Variants in UBN2 observed in about 807,000 individuals in gnomAD.
UBN2 encodes ubinuclein 2, also known as ubinuclein-2.
UBN2 carries 35 observed loss-of-function variants against 120.2 expected under a neutral mutation model. The ratio of observed to expected loss-of-function variants is 0.29; its 90% CI spans 0.22 to 0.39. UBN2 has a LOEUF of 0.39. Ranked by LOEUF, UBN2 falls within the 10% of genes least tolerant of loss-of-function variation. The probability of loss-of-function intolerance (pLI) is 1.00; values close to 1 mark genes in which losing one functional copy is unlikely to be tolerated. For missense variants in UBN2, 1,693 were observed against 1,663.2 expected, an observed-to-expected ratio of 1.02 and a Z score of -0.31; for synonymous variants, 661 against 648.7, an observed-to-expected ratio of 1.02 and a Z score of -0.29.
chr7:139,235,578 T>C (rs572453663), intron 1 of UBN2, among the ~76,000 whole-genome samples: 21 of 152,096 alleles, frequency 1.4e-4, no homozygotes, highest in Non-Finnish European at 2.6e-4. Context: ...AGCTAGTTTT[T>C]GTATTTTTGG....
At position 139,284,540 on chromosome 7, in the gene UBN2, C is replaced by T; in HGVS notation, c.3635C>T (p.Ala1212Val). 1 of 1,613,036 alleles carries T rather than the reference C, an allele frequency of 6.2e-7. No homozygotes were observed. The highest frequency in any genetic ancestry group is 8.5e-7 in the Non-Finnish European group (1 of 1,179,682). ...TCTACTCCACATAGACCATCCACTG[C>T]CTCAGGGTCTTCAGTGGTAACAGCC... Reference protein sequence around the residue: ...PLSTPHRPSTASGSSVVTASV... With the variant: ...PLSTPHRPSTVSGSSVVTASV... The change falls in exon 15 of 18, where the codon GCC becomes GTC. Residue 1212 changes from alanine to valine, a missense_variant. This residue lies in a region of UBN2 where 837 missense variants were observed against 817.6 expected (regional missense o/e 1.02). Coordinates refer to ENST00000473989, the MANE Select transcript of UBN2 (RefSeq NM_173569.4).
At position 139,301,092 on chromosome 7, in the gene UBN2, C is replaced by G. The variant is rs988872214; in HGVS notation, c.*3256C>G. On this transcript the variant is annotated 3_prime_UTR_variant, in exon 18 of 18. Transcript: ENST00000473989. ...ATAGTGCATTCTTTTGTGCCCACCCCCCCTCTGATGGATGTTGTTAGCCCA... is the reference window on the plus strand; with the variant it reads ...ATAGTGCATTCTTTTGTGCCCACCCGCCCTCTGATGGATGTTGTTAGCCCA... 3.3e-5 allele frequency: 5 copies of G among 152,094 alleles called. No individual in the cohort carries two copies. In the South Asian group the frequency reaches 8.3e-4, roughly 25 times the overall value. The allele number at this position is 152,094 out of a possible 1,614,324, so 9.4% of individuals were successfully genotyped here.
Position 139,284,218 on chromosome 7 carries a change from A to G in UBN2, c.3313A>G (p.Ser1105Gly), listed in dbSNP as rs1285516647. The change falls in exon 15 of 18, where the codon AGC becomes GGC. Residue 1105 changes from serine (S) to glycine (G), a missense_variant. This residue lies in a region of UBN2 where 837 missense variants were observed against 817.6 expected (regional missense o/e 1.02). Coordinates refer to ENST00000473989, the MANE Select transcript of UBN2 (RefSeq NM_173569.4). Reference sequence around the variant, plus strand: ...ACTAGTTGCCCAGGGTAGCCACTCCAGCACTAACAGCCCAGTCCATAAACA... The same window carrying G: ...ACTAGTTGCCCAGGGTAGCCACTCCGGCACTAACAGCCCAGTCCATAAACA... ...NALVAQGSHS[S>G]TNSPVHKQPS... 2 of 1,614,172 alleles carry G rather than the reference A, an allele frequency of 1.2e-6. No individual in the cohort carries two copies. Among genetic ancestry groups the G allele is most frequent in the South Asian group, 1.1e-5 (1 of 91,068 alleles).
At chr7:139,293,624 T>C in intron 16 of UBN2, 161 bp downstream of exon 16, 1 of 673,184 alleles carries the variant, frequency 1.5e-6, no homozygotes, top group Non-Finnish European at 2.5e-6. Context: ...AGTCAAATTA[T>C]TGGACACTGG....
chr7:139,269,370 ATTG>A (rs1217969293), intron 7 of UBN2, 21 bp from the exon 8 acceptor site: 8 of 1,612,292 alleles, frequency 5.0e-6, no homozygotes, highest in East Asian at 2.2e-5. Flanking sequence ...TATACTGTTC[ATTG>A]TTGTTAACTT....
chr7:139,251,900 A>G (rs1796633743), intron 2 of UBN2, 56 bp from the exon 3 acceptor site: 1 of 1,540,516 alleles, frequency 6.5e-7, no homozygotes, highest in Admixed American at 1.7e-5. Flanking sequence ...GGTCTTTTTA[A>G]ACTTTATGGA....
At chr7:139,264,994 TTAAA>T (rs1797053025) in intron 6 of UBN2, among the ~76,000 whole-genome samples, 2 of 152,214 alleles carry the variant, frequency 1.3e-5, no homozygotes, top group Non-Finnish European at 1.5e-5. Context: ...AGCCATCACC[TTAAA>T]TATTTATCTT....
chr7:139,250,274 C>T (rs1012323225), intron 2 of UBN2, among the ~76,000 whole-genome samples: 3 of 151,952 alleles, frequency 2.0e-5, no homozygotes, highest in Admixed American at 6.6e-5. Flanking sequence ...GCTTTGTTGT[C>T]CAGGCTGAAG....
rs895122536 is a variant in UBN2 at position 139,231,765 on chromosome 7, A to AGCC, written c.292_294dup (p.Pro98dup). The AGCC allele has an allele frequency of 1.2e-5, 15 of 1,246,952 alleles. No individual in the cohort carries two copies. The East Asian group carries it at 1.4e-4, about 11-fold the overall frequency. The allele number at this position is 1,246,952 out of a possible 1,614,324, so 77.2% of individuals were successfully genotyped here. On this transcript the variant is annotated inframe_insertion, in exon 1 of 18. Transcript: ENST00000473989. ...CTGCAGCGGGAGCCCCCGCGGCCCG[A>AGCC]GCCGCCGCCGCCGTTCCCGCCGCTG...
intron 15 of UBN2, among the ~76,000 whole-genome samples, chr7:139,286,084 T>C (rs768222329): frequency 6.6e-6 from 1 of 152,178 alleles, no homozygotes; most frequent in Non-Finnish European, 1.5e-5. Context: ...TGGGCCACAA[T>C]GCCCAGCTAA....
At chr7:139,235,537 G>C (rs200107178) in intron 1 of UBN2, among the ~76,000 whole-genome samples, 1 of 152,116 alleles carries the variant, frequency 6.6e-6, no homozygotes, top group Non-Finnish European at 1.5e-5. Context: ...CTCCCGAGTA[G>C]CTGGGACTAC....
chr7:139,265,519 C>G (rs1442381756), intron 6 of UBN2, among the ~76,000 whole-genome samples: 2 of 152,084 alleles, frequency 1.3e-5, no homozygotes, highest in African/African-American at 4.8e-5. Context: ...CAAAAGATAT[C>G]CATATTCTAA....
In UBN2 at chr7:139,302,140, G is replaced by A. The variant is rs890467134; in HGVS notation, c.*4304G>A. 6.6e-6 allele frequency: 1 copy of A among 151,906 alleles called. No homozygotes were observed. The highest frequency in any genetic ancestry group is 1.5e-5 in the Non-Finnish European group (1 of 68,008). The allele number at this position is 151,906 out of a possible 1,614,324, so 9.4% of individuals were successfully genotyped here. ...GAAACTGTTGTCACATTATCTTAAA[G>A]TACAGACTGATAAGTCAGGGGATTC... On this transcript the variant is annotated 3_prime_UTR_variant, in exon 18 of 18. Transcript: ENST00000473989.
At chr7:139,330,398 T>A in the UBN2 span, among the ~76,000 whole-genome samples, 1 of 152,258 alleles carries the variant, frequency 6.6e-6, no homozygotes, top group African/African-American at 2.4e-5. Context: ...TGAAACTGTG[T>A]ACTCATTAAA....
chr7:139,326,181 A>G, the UBN2 span, among the ~76,000 whole-genome samples: 1 of 152,138 alleles, frequency 6.6e-6, no homozygotes, highest in African/African-American at 2.4e-5. Context: ...GCTTGAACCC[A>G]GGAGGCAGAG....
chr7:139,293,462 G>GT lies in UBN2; in HGVS notation c.3900_3901insT (p.Asn1301Ter), dbSNP rs1798021774. ...CCGCTTTCCACCATAGCCTAACTCAGAGTAAGTGGGGCTCTTCTATTTGGT... is the reference window on the plus strand; with the variant it reads ...CCGCTTTCCACCATAGCCTAACTCAGTAGTAAGTGGGGCTCTTCTATTTGGT... On this transcript the variant is annotated frameshift_variant and splice_region_variant, in exon 16 of 18. Transcript: ENST00000473989. LOFTEE classifies it high-confidence loss of function. 6.2e-7 allele frequency: 1 copy of GT among 1,613,648 alleles called. No homozygotes were observed. Among genetic ancestry groups the GT allele is most frequent in the Non-Finnish European group, 8.5e-7 (1 of 1,179,732 alleles).
the UBN2 span, among the ~76,000 whole-genome samples, chr7:139,316,506 G>A: frequency 1.8e-4 from 27 of 152,204 alleles, no homozygotes; most frequent in African/African-American, 5.5e-4. Flanking sequence ...GGTGGCTCAC[G>A]CCTGTAATCC....
rs932703471 is a variant in UBN2 at position 139,239,462 on chromosome 7, G to A, written c.561+2365G>A. Among the ~76,000 whole-genome samples, 11 of 151,144 alleles carry A rather than the reference G, an allele frequency of 7.3e-5. No homozygotes were observed. The South Asian group carries it at 8.3e-4, about 11-fold the overall frequency. ...CTAGGAGAGATTCCTAGAATCAGAC[G>A]ATTCAGGTCGGAAGATTTATGCATT... On this transcript the variant is annotated intron_variant, in intron 2 of 17. Coordinates refer to ENST00000473989, the MANE Select transcript of UBN2 (RefSeq NM_173569.4).
chr7:139,259,404 G>A lies in UBN2; in HGVS notation c.905+34G>A, dbSNP rs192722949. 390 of 1,608,958 alleles carry A rather than the reference G, an allele frequency of 2.4e-4. 3 individuals carry two copies. In the African/African-American group the frequency reaches 4.2e-3, roughly 17 times the overall value. ...AATTAAACCTAAGAAGGGAACTGGC[G>A]TCACAGTCTGACTGTCTCTCCCTTT... On this transcript the variant is annotated intron_variant, in intron 5 of 17. Transcript: ENST00000473989.
Sources: gnomAD v4.1 joint callset for allele counts (sites outside exome capture counted in the v4.1 genomes callset) on GRCh38, gnomAD v4.1.1 for gene constraint, gnomAD v4.1.1 regional missense constraint, MANE v1.5 for transcripts, NCBI Gene and HGNC (gene_info 2026-07-23, HGNC 2026-07-21) for gene names.